Variants in AGXT2 observed in about 807,000 individuals in gnomAD.
AGXT2 encodes the protein alanine--glyoxylate aminotransferase 2, mitochondrial.
In AGXT2, 61 loss-of-function variants were observed where a neutral mutation model predicts 62.5. The ratio of observed to expected loss-of-function variants is 0.98; its 90% CI spans 0.79 to 1.21. AGXT2 has a LOEUF of 1.21. AGXT2 is among the 50% of genes most tolerant of loss of function. The probability of loss-of-function intolerance (pLI) is 0.00; values close to 1 mark genes in which losing one functional copy is unlikely to be tolerated. For synonymous variants in AGXT2, 243 were observed against 218.7 expected, an observed-to-expected ratio of 1.11 and a Z score of -0.98; for missense variants, 666 against 641.5, an observed-to-expected ratio of 1.04 and a Z score of -0.41.
chr5:35,015,394 T>G (rs1047826774), intron 9 of AGXT2, among the ~76,000 whole-genome samples: 3 of 152,190 alleles, frequency 2.0e-5, no homozygotes, highest in African/African-American at 7.2e-5. Context: ...CCACGCACAT[T>G]TCTGCCAGAG....
Position 35,039,315 on chromosome 5 carries a change from G to A in AGXT2, c.362+9C>T, listed in dbSNP as rs1255453227. 1 of 1,613,366 alleles carries A rather than the reference G, an allele frequency of 6.2e-7. No individual in the cohort carries two copies. Among genetic ancestry groups the A allele is most frequent in the Non-Finnish European group, 8.5e-7 (1 of 1,179,372 alleles). On this transcript the variant is annotated intron_variant, in intron 3 of 13. Transcript: ENST00000231420. ...GGAATAAAAATCTCCAGATTTTAAG[G>A]ATACTCACGGGTGGCAATGGCCAAC... is the stretch of plus-strand genomic sequence containing the variant.
At chr5:35,004,115 G>T (rs1046973954) in intron 12 of AGXT2, among the ~76,000 whole-genome samples, 6 of 152,192 alleles carry the variant, frequency 3.9e-5, no homozygotes, top group African/African-American at 1.4e-4. Context: ...AAGACAAAAT[G>T]AAGTTCTGTG....
In AGXT2 at chr5:35,013,993, T is replaced by A. The variant is rs763224422; in HGVS notation, c.1090A>T (p.Thr364Ser). ...AACTGCCTGTGGGTCCTACCTGGAG[T>A]GGTTATGACTGCTGCCATGGGAAAG... ...NGFPMAAVIT[T>S]PEIAKSLAKC... Residue 364 changes from threonine to serine, a missense_variant, in exon 10 of 14, where the codon ACT becomes TCT. Coordinates refer to ENST00000231420, the MANE Select transcript of AGXT2 (RefSeq NM_031900.4). 6.2e-7 allele frequency: 1 copy of A among 1,613,482 alleles called. No individual in the cohort carries two copies. Among genetic ancestry groups the A allele is most frequent in the East Asian group, 2.2e-5 (1 of 44,828 alleles).
intron 6 of AGXT2, chr5:35,033,028 A>C: frequency 1.7e-6 from 1 of 577,370 alleles, no homozygotes; most frequent in South Asian, 1.9e-5. Flanking sequence ...TACAAAGGAA[A>C]CTGATTTCAA....
intron 9 of AGXT2, 67 bp downstream of exon 9, chr5:35,025,696 T>C: frequency 6.6e-7 from 1 of 1,504,566 alleles, no homozygotes; most frequent in Non-Finnish European, 9.2e-7. Flanking sequence ...AGAGGAAGTT[T>C]AGGAGGTTTC....
At chr5:35,023,676 T>C (rs908139911) in intron 9 of AGXT2, among the ~76,000 whole-genome samples, 9 of 152,154 alleles carry the variant, frequency 5.9e-5, no homozygotes, top group African/African-American at 1.7e-4. Flanking sequence ...TTCTCCAGCC[T>C]GGACTTCGAT....
intron 12 of AGXT2, among the ~76,000 whole-genome samples, chr5:35,006,077 T>A (rs1182882449): frequency 6.6e-6 from 1 of 152,186 alleles, no homozygotes; most frequent in African/African-American, 2.4e-5. Context: ...TAATATATGG[T>A]ATATCTTGGG....
At chr5:35,027,649 A>G (rs344512) in intron 7 of AGXT2, among the ~76,000 whole-genome samples, 147,456 of 151,760 alleles carry the variant, frequency 0.97, 71,788 homozygotes, top group Non-Finnish European at 1. Flanking sequence ...TGTATTGTAT[A>G]TTTATTTTTG....
At chr5:35,041,805 A>T (rs1768002381) in intron 1 of AGXT2, among the ~76,000 whole-genome samples, 1 of 152,188 alleles carries the variant, frequency 6.6e-6, no homozygotes, top group Admixed American at 6.5e-5. Context: ...GGAAAGTAAC[A>T]GTTCTGAATA....
At chr5:35,032,944 C>T (rs1767626602) in intron 6 of AGXT2, 119 bp from the exon 7 acceptor site, 2 of 800,414 alleles carry the variant, frequency 2.5e-6, no homozygotes, top group Admixed American at 2.0e-5. Context: ...CATTCTTCCC[C>T]CACTTAAGAT....
rs184569517 is a variant in AGXT2, at chr5:35,042,266, A to C, written c.89-1603T>G. Among the ~76,000 whole-genome samples the C allele has an allele frequency of 3.7e-4, 56 of 152,336 alleles. No homozygotes were observed. The East Asian group carries it at 0.011, about 29-fold the overall frequency. The stretch of plus-strand genomic sequence containing the variant: ...GGCAGTTTTATTCATTCATTTATTC[A>C]CAAAAGTCATAAGCACATGATGGTG... On this transcript the variant is annotated intron_variant, in intron 1 of 13. Coordinates refer to ENST00000231420, the MANE Select transcript of AGXT2 (RefSeq NM_031900.4).
chr5:35,039,533 C>A (rs746419263), intron 2 of AGXT2, 25 bp from the exon 3 acceptor site: 8 of 1,608,552 alleles, frequency 5.0e-6, no homozygotes, highest in Middle Eastern at 1.7e-4. Flanking sequence ...GATTTAAACC[C>A]ACACACTTCT....
At chr5:35,042,980 A>G (rs1408992709) in intron 1 of AGXT2, among the ~76,000 whole-genome samples, 1 of 152,210 alleles carries the variant, frequency 6.6e-6, no homozygotes, top group Non-Finnish European at 1.5e-5. Flanking sequence ...AACTTGAGAC[A>G]TTGAAAGATG....
At chr5:35,032,641 A>AT in intron 7 of AGXT2, 91 bp downstream of exon 7, 1 of 1,207,504 alleles carries the variant, frequency 8.3e-7, no homozygotes, top group African/African-American at 1.5e-5. Flanking sequence ...ATGTTTTCAA[A>AT]TTCAATTGTT....
chr5:35,047,130 C>T (rs1213451159), intron 1 of AGXT2, among the ~76,000 whole-genome samples: 1 of 152,174 alleles, frequency 6.6e-6, no homozygotes, highest in African/African-American at 2.4e-5. Context: ...CATGCAGATG[C>T]TTTACATCTT....
intron 9 of AGXT2, among the ~76,000 whole-genome samples, chr5:35,015,342 G>A (rs1766811319): frequency 6.6e-6 from 1 of 152,280 alleles, no homozygotes; most frequent in Admixed American, 6.5e-5. Flanking sequence ...TGAATGACAG[G>A]GTGGCAGAAT....
Position 35,033,564 on chromosome 5 carries a change from G to C in AGXT2, c.582-11C>G. On this transcript the variant is annotated splice_polypyrimidine_tract_variant and intron_variant, in intron 5 of 13. Coordinates refer to ENST00000231420, the MANE Select transcript of AGXT2 (RefSeq NM_031900.4). ...CCATGGTAGGCTCCTCTGCAGAGAAGAAACAACAGGAGGATGGGGTCAAGT... is the reference window on the plus strand; with the variant it reads ...CCATGGTAGGCTCCTCTGCAGAGAACAAACAACAGGAGGATGGGGTCAAGT... 6.2e-7 allele frequency: 1 copy of C among 1,607,956 alleles called. No individual in the cohort carries two copies. Among genetic ancestry groups the C allele is most frequent in the Non-Finnish European group, 8.5e-7 (1 of 1,174,524 alleles).
intron 11 of AGXT2, among the ~76,000 whole-genome samples, chr5:35,011,505 A>G (rs1475439901): frequency 6.6e-6 from 1 of 152,034 alleles, no homozygotes; most frequent in Non-Finnish European, 1.5e-5. Flanking sequence ...AAAGTGAAAT[A>G]AATGACACAT....
In AGXT2 at chr5:35,010,081, A is replaced by G. The variant is rs1766574499; in HGVS notation, c.1257T>C (p.Ala419=). The change falls in exon 12 of 14, where the codon GCT becomes GCC. Residue 419 remains alanine, a synonymous_variant. Coordinates refer to ENST00000231420, the MANE Select transcript of AGXT2 (RefSeq NM_031900.4). ...EVGTYMLLKF[A]KLRDEFEIVG... ...CAATTTCAAATTCATCCCGCAGCTT[A>G]GCAAACTTTAGTAACATGTAGGTCC... The G allele has an allele frequency of 3.7e-6, 6 of 1,614,240 alleles. No homozygotes were observed. Among genetic ancestry groups the G allele is most frequent in the East Asian group, 4.5e-5 (2 of 44,880 alleles).
Sources: allele counts gnomAD v4.1 joint callset (sites outside exome capture counted in the v4.1 genomes callset), GRCh38; gene constraint gnomAD v4.1.1; transcripts MANE v1.5; gene names NCBI Gene and HGNC (gene_info 2026-07-23, HGNC 2026-07-21).